MAP3K13: variants seen among roughly 807,000 people sequenced by gnomAD.
MAP3K13 encodes the protein leucine zipper-bearing kinase.
A neutral mutation model predicts 104.0 loss-of-function variants in MAP3K13; 52 were observed. The ratio of observed to expected loss-of-function variants is 0.50; its 90% CI spans 0.40 to 0.63. The LOEUF (loss-of-function observed/expected upper bound fraction) is 0.63. Among genes scored for constraint, MAP3K13 ranks in the 20% least tolerant of loss-of-function variants. The probability of loss-of-function intolerance (pLI) is 0.00; values close to 1 mark genes in which losing one functional copy is unlikely to be tolerated. For missense variants in MAP3K13, 914 were observed against 1,218.5 expected (o/e 0.75, Z 3.72); for synonymous variants, 394 against 442.2 (o/e 0.89, Z 1.37).
chr3:185,425,793 C>T (rs926230527), intron 1 of MAP3K13, among the ~76,000 whole-genome samples: 1 of 152,158 alleles, frequency 6.6e-6, no homozygotes, highest in African/African-American at 2.4e-5. Context: ...TAATTCACCC[C>T]TCAAGACTCA....
intron 1 of MAP3K13, among the ~76,000 whole-genome samples, chr3:185,382,609 G>T (rs983418721): frequency 3.3e-5 from 5 of 152,114 alleles, no homozygotes; most frequent in African/African-American, 9.7e-5. Context: ...GGAGGTGTTT[G>T]GGTCATGGGG....
At chr3:185,463,922 C>T (rs979859688) in intron 8 of MAP3K13, among the ~76,000 whole-genome samples, 1 of 152,166 alleles carries the variant, frequency 6.6e-6, no homozygotes, top group Non-Finnish European at 1.5e-5. Flanking sequence ...CAGCCAGTGT[C>T]CTAGGTGCCA....
intron 1 of MAP3K13, among the ~76,000 whole-genome samples, chr3:185,421,643 G>T (rs1270176160): frequency 6.6e-6 from 1 of 151,938 alleles, no homozygotes; most frequent in East Asian, 1.9e-4. Flanking sequence ...TACTAGTTTT[G>T]ATTTCTTATG....
chr3:185,344,677 A>G (rs1184263158), intron 2 of MAP3K13, among the ~76,000 whole-genome samples: 1 of 152,070 alleles, frequency 6.6e-6, no homozygotes, highest in East Asian at 1.9e-4. Context: ...TTCAGCTACC[A>G]CGTTGATTGC....
intron 1 of MAP3K13, among the ~76,000 whole-genome samples, chr3:185,413,317 G>A (rs1276915481): frequency 6.6e-6 from 1 of 152,168 alleles, no homozygotes; most frequent in Non-Finnish European, 1.5e-5. Context: ...GAGCAGCACT[G>A]TCCAATGGAA....
At chr3:185,462,286 T>C (rs1378222498) in intron 7 of MAP3K13, among the ~76,000 whole-genome samples, 1 of 152,214 alleles carries the variant, frequency 6.6e-6, no homozygotes, top group Non-Finnish European at 1.5e-5. Flanking sequence ...TAAAATTAGC[T>C]TGAAATTTCA....
In MAP3K13 at chr3:185,483,547, G is replaced by A. The variant is rs1228646628; in HGVS notation, c.*1091G>A. On this transcript the variant is annotated 3_prime_UTR_variant, in exon 14 of 14. Coordinates refer to ENST00000265026, the MANE Select transcript of MAP3K13 (RefSeq NM_004721.5). ...TCAGTTCAGCTACGAGGAGAAGATG[G>A]AACCACCCCTCTCTGGAGCCAGGTT... 93 of 225,894 alleles carry A rather than the reference G, an allele frequency of 4.1e-4. No homozygotes were observed. The East Asian group carries it at 5.9e-3, about 14-fold the overall frequency. The allele number at this position is 225,894 out of a possible 1,614,324, so 14.0% of individuals were successfully genotyped here. A position where few individuals can be genotyped will look rare whatever the true frequency, so the allele number is the denominator to read the frequency against.
intron 2 of MAP3K13, among the ~76,000 whole-genome samples, chr3:185,435,035 G>A (rs186020211): frequency 3.3e-5 from 5 of 151,786 alleles, no homozygotes; most frequent in Admixed American, 6.6e-5. Context: ...ACAGAGTTTC[G>A]CTCTGTCACC....
chr3:185,305,538 T>A (rs904926196), intron 2 of MAP3K13, among the ~76,000 whole-genome samples: 1 of 152,214 alleles, frequency 6.6e-6, no homozygotes, highest in Admixed American at 6.5e-5. Flanking sequence ...TGTGCCATCA[T>A]TACAGTATTA....
intron 2 of MAP3K13, among the ~76,000 whole-genome samples, chr3:185,291,116 C>T (rs11918469): frequency 0.79 from 120,086 of 152,150 alleles, 47,719 homozygotes; most frequent in Non-Finnish European, 0.84. Flanking sequence ...GTTTCTTTTT[C>T]TCCCTGTTTA....
intron 2 of MAP3K13, among the ~76,000 whole-genome samples, chr3:185,320,181 A>G (rs1344079404): frequency 1.3e-5 from 2 of 151,948 alleles, no homozygotes; most frequent in Non-Finnish European, 2.9e-5. Context: ...CCCGGATTCA[A>G]GCAATTCTCC....
At chr3:185,397,886 G>A (rs1470061349) in intron 1 of MAP3K13, among the ~76,000 whole-genome samples, 1 of 152,126 alleles carries the variant, frequency 6.6e-6, no homozygotes, top group Non-Finnish European at 1.5e-5. Context: ...AGCGGAGCCT[G>A]CCCATATGCC....
intron 2 of MAP3K13, among the ~76,000 whole-genome samples, chr3:185,348,504 G>A (rs932599827): frequency 6.6e-6 from 1 of 152,162 alleles, no homozygotes; most frequent in Non-Finnish European, 1.5e-5. Context: ...AGCATTTTCT[G>A]TAATTCACTC....
chr3:185,464,260 C>T (rs1211973518), intron 8 of MAP3K13, among the ~76,000 whole-genome samples: 1 of 152,166 alleles, frequency 6.6e-6, no homozygotes, highest in East Asian at 1.9e-4. Flanking sequence ...TGCACCCCAG[C>T]CTGGGTGACA....
intron 2 of MAP3K13, among the ~76,000 whole-genome samples, chr3:185,322,617 T>C (rs1313683931): frequency 6.6e-6 from 1 of 152,232 alleles, no homozygotes; most frequent in African/African-American, 2.4e-5. Context: ...TCTCTCATAC[T>C]GTGTATCCAG....
At chr3:185,420,682 A>G (rs1359685913) in intron 1 of MAP3K13, among the ~76,000 whole-genome samples, 2 of 152,248 alleles carry the variant, frequency 1.3e-5, no homozygotes, top group Non-Finnish European at 2.9e-5. Context: ...AGTCACATCA[A>G]AAACTTTGTG....
chr3:185,343,665 A>C (rs148013597), intron 2 of MAP3K13, among the ~76,000 whole-genome samples: 3 of 152,166 alleles, frequency 2.0e-5, no homozygotes, highest in East Asian at 3.9e-4. Context: ...GTTGGCCAGG[A>C]TGGTCTCGAT....
intron 2 of MAP3K13, among the ~76,000 whole-genome samples, chr3:185,299,215 T>C (rs529882531): frequency 9.1e-4 from 138 of 152,280 alleles, no homozygotes; most frequent in African/African-American, 3.2e-3. Context: ...GGCAAGCCCT[T>C]TTGAAGAGAG....
chr3:185,356,933 C>T (rs1723381095), intron 2 of MAP3K13, among the ~76,000 whole-genome samples: 1 of 152,136 alleles, frequency 6.6e-6, no homozygotes, highest in Non-Finnish European at 1.5e-5. Flanking sequence ...CGGAGTCTCG[C>T]TCTGCCGCCC....
Sources: gnomAD v4.1 joint callset for allele counts (sites outside exome capture counted in the v4.1 genomes callset) on GRCh38, gnomAD v4.1.1 for gene constraint, MANE v1.5 for transcripts, NCBI Gene and HGNC (gene_info 2026-07-23, HGNC 2026-07-21) for gene names.